Variants in DIAPH2 observed in about 807,000 individuals in gnomAD.
DIAPH2 encodes protein diaphanous homolog 2.
In DIAPH2, 35 loss-of-function variants were observed where a neutral mutation model predicts 92.7. The observed-to-expected ratio is 0.38, with a 90% CI of 0.29 to 0.50. The LOEUF (loss-of-function observed/expected upper bound fraction) is 0.50. DIAPH2 is among the 20% of genes least tolerant of loss of function. The pLI, the probability that DIAPH2 is intolerant of heterozygous loss-of-function variation, is 0.94. For missense variants in DIAPH2, 701 were observed against 819.5 expected (o/e 0.86, Z 1.77); for synonymous variants, 301 against 280.4 (o/e 1.07, Z -0.73).
intron 4 of DIAPH2, among the ~76,000 whole-genome samples, chrX:96,844,367 T>A (rs1282412516): frequency 8.9e-6 from 1 of 112,543 alleles, no homozygotes; most frequent in Non-Finnish European, 1.9e-5. Context: ...ATGCATAAGC[T>A]TTACATAGGT....
At chrX:97,258,510 T>C (rs1307209180) in intron 23 of DIAPH2, among the ~76,000 whole-genome samples, 4 of 106,778 alleles carry the variant, frequency 3.7e-5, no homozygotes, top group African/African-American at 1.4e-4. Flanking sequence ...GAGGTGGAGG[T>C]TGCAGTGAGC....
intron 23 of DIAPH2, among the ~76,000 whole-genome samples, chrX:97,262,092 T>TAAAAAAAAAAAAAA (rs35665297): frequency 1.7e-5 from 1 of 60,550 alleles, no homozygotes; most frequent in Non-Finnish European, 2.9e-5. Context: ...GATGAGAAAC[T>TAAAAAAAAAAAAAA]AAAAAAAAAA....
intron 19 of DIAPH2, among the ~76,000 whole-genome samples, chrX:97,076,909 C>G (rs1188793217): frequency 9.0e-6 from 1 of 111,406 alleles, no homozygotes; most frequent in Non-Finnish European, 1.9e-5. Context: ...TTTGTGCCTT[C>G]TGTTTGCTGA....
At chrX:97,519,777 G>A (rs1200622029) in intron 26 of DIAPH2, among the ~76,000 whole-genome samples, 1 of 110,373 alleles carries the variant, frequency 9.1e-6, no homozygotes, top group Non-Finnish European at 1.9e-5. Flanking sequence ...TGTCACCCAG[G>A]CTGGAGTGCA....
chrX:97,213,455 T>A (rs1479886515), intron 22 of DIAPH2, among the ~76,000 whole-genome samples: 2 of 111,796 alleles, frequency 1.8e-5, no homozygotes, highest in African/African-American at 6.5e-5. Context: ...GTTAATATCA[T>A]CAAGACAAAC....
At chrX:96,735,500 T>G (rs1302240759) in intron 1 of DIAPH2, among the ~76,000 whole-genome samples, 1 of 111,538 alleles carries the variant, frequency 9.0e-6, no homozygotes, top group Non-Finnish European at 1.9e-5. Context: ...GGTAGTGACG[T>G]CTGATTTAGA....
chrX:96,780,544 C>T (rs1015610585), intron 4 of DIAPH2, among the ~76,000 whole-genome samples: 16 of 110,828 alleles, frequency 1.4e-4, no homozygotes, highest in African/African-American at 3.0e-4. Flanking sequence ...TGCAGTGGCA[C>T]GATCTAAGCT....
intron 25 of DIAPH2, among the ~76,000 whole-genome samples, chrX:97,409,854 A>C (rs1447149383): frequency 1.8e-5 from 2 of 112,603 alleles, no homozygotes; most frequent in African/African-American, 6.4e-5. Flanking sequence ...TGAGTAGATA[A>C]ACAAAGTGGC....
chrX:97,350,931 A>C (rs2069206541), intron 24 of DIAPH2, among the ~76,000 whole-genome samples: 1 of 112,325 alleles, frequency 8.9e-6, no homozygotes, highest in South Asian at 3.7e-4. Flanking sequence ...TTTCATGTCC[A>C]TTTAAGTTAA....
intron 25 of DIAPH2, among the ~76,000 whole-genome samples, chrX:97,425,011 T>A (rs187146453): frequency 5.8e-4 from 65 of 112,516 alleles, no homozygotes; most frequent in Non-Finnish European, 9.8e-4. Flanking sequence ...TAAAACAATA[T>A]CTATAATGTT....
intron 21 of DIAPH2, among the ~76,000 whole-genome samples, chrX:97,115,467 C>T (rs927875896): frequency 1.2e-4 from 13 of 110,373 alleles, no homozygotes; most frequent in Admixed American, 3.9e-4. Flanking sequence ...ACACGGGAGG[C>T]GGGGGTTGGA....
chrX:96,972,083 G>C (rs1210195268), intron 17 of DIAPH2, among the ~76,000 whole-genome samples: 1 of 111,272 alleles, frequency 9.0e-6, no homozygotes, highest in Admixed American at 9.6e-5. Context: ...TTTTTCCCCC[G>C]GTTTGCTGTT....
At chrX:97,447,510 A>G (rs1357040061) in intron 26 of DIAPH2, among the ~76,000 whole-genome samples, 1 of 111,715 alleles carries the variant, frequency 9.0e-6, no homozygotes, top group East Asian at 2.8e-4. Flanking sequence ...TATGCAGCTC[A>G]TAGTAATAAT....
intron 3 of DIAPH2, among the ~76,000 whole-genome samples, chrX:96,742,531 G>C (rs2064125894): frequency 9.0e-6 from 1 of 111,702 alleles, no homozygotes; most frequent in African/African-American, 3.3e-5. Flanking sequence ...GATCCTATAT[G>C]TTTTGACACC....
chrX:96,894,339 G>C (rs1489345940), intron 5 of DIAPH2, among the ~76,000 whole-genome samples: 1 of 108,872 alleles, frequency 9.2e-6, no homozygotes, highest in Non-Finnish European at 1.9e-5. Flanking sequence ...ATCTTAAATT[G>C]GTACGTTCAA....
chrX:97,175,341 G>A (rs73546798), intron 22 of DIAPH2, among the ~76,000 whole-genome samples: 2,635 of 111,458 alleles, frequency 0.024, 72 homozygotes, highest in African/African-American at 0.077. Context: ...GTAATGTCAC[G>A]ATAGGTGGTG....
chrX:96,889,488 C>T (rs1182859460), intron 5 of DIAPH2, among the ~76,000 whole-genome samples: 1 of 111,729 alleles, frequency 9.0e-6, no homozygotes, highest in Non-Finnish European at 1.9e-5. Flanking sequence ...GAGTTAATTT[C>T]CTTTGGTAAT....
intron 26 of DIAPH2, among the ~76,000 whole-genome samples, chrX:97,519,801 G>A (rs62594826): frequency 0.13 from 14,275 of 109,737 alleles, 913 homozygotes; most frequent in East Asian, 0.36. Context: ...GCGCGATCTC[G>A]GCTCACCTCC....
At chrX:97,332,692 T>C in intron 23 of DIAPH2, among the ~76,000 whole-genome samples, 1 of 111,414 alleles carries the variant, frequency 9.0e-6, no homozygotes. Context: ...AACCCAAATA[T>C]GTACATATTC....
Sources: gnomAD v4.1 joint callset for allele counts (sites outside exome capture counted in the v4.1 genomes callset) on GRCh38, gnomAD v4.1.1 for gene constraint, MANE v1.5 for transcripts, NCBI Gene and HGNC (gene_info 2026-07-23, HGNC 2026-07-21) for gene names.